The following COL25A1 variants were observed in gnomAD, a reference collection of about 807,000 sequenced individuals.
COL25A1 encodes collagen type XXV alpha 1 chain, also known as collagen alpha-1(XXV) chain.
A neutral mutation model predicts 128.4 loss-of-function variants in COL25A1; 103 were observed. The observed-to-expected ratio is 0.80, with a 90% confidence interval of 0.68 to 0.94. COL25A1 has a LOEUF of 0.94. Among genes scored for constraint, COL25A1 ranks in the 40% least tolerant of loss-of-function variants. The pLI is 0.00. For synonymous variants in COL25A1, 279 were observed against 277.2 expected, an observed-to-expected ratio of 1.01 and a Z score of -0.06; for missense variants, 745 against 840.0, an observed-to-expected ratio of 0.89 and a Z score of 1.40.
intron 3 of COL25A1, among the ~76,000 whole-genome samples, chr4:109,126,904 T>C (rs1351110428): frequency 6.6e-6 from 1 of 151,166 alleles, no homozygotes; most frequent in East Asian, 2.0e-4. Flanking sequence ...ACTTAAAGTA[T>C]AATAATAAAA....
chr4:108,864,767 A>G (rs892799808), intron 20 of COL25A1, among the ~76,000 whole-genome samples: 1 of 152,226 alleles, frequency 6.6e-6, no homozygotes, highest in African/African-American at 2.4e-5. Flanking sequence ...TGACTGTAGC[A>G]TGGATGAGTG....
chr4:108,919,472 T>A (rs1745246245), intron 12 of COL25A1, among the ~76,000 whole-genome samples: 1 of 152,204 alleles, frequency 6.6e-6, no homozygotes, highest in Non-Finnish European at 1.5e-5. Flanking sequence ...TGTAGGATTA[T>A]GTTTCAACAG....
chr4:109,107,358 T>C (rs2126032154), intron 3 of COL25A1, among the ~76,000 whole-genome samples: 1 of 152,290 alleles, frequency 6.6e-6, no homozygotes, highest in Non-Finnish European at 1.5e-5. Flanking sequence ...CAGATTTTAT[T>C]TTTCCTATTT....
intron 3 of COL25A1, among the ~76,000 whole-genome samples, chr4:109,188,270 A>C (rs1425432009): frequency 6.6e-6 from 1 of 152,030 alleles, no homozygotes; most frequent in East Asian, 1.9e-4. Context: ...TTCCTCACTA[A>C]CTCTCCTTCC....
intron 10 of COL25A1, 104 bp downstream of exon 10, chr4:108,940,435 T>C: frequency 1.1e-6 from 1 of 899,758 alleles, no homozygotes; most frequent in Non-Finnish European, 1.9e-6. Context: ...TCCACTCACT[T>C]GACCCCCTGA....
intron 3 of COL25A1, among the ~76,000 whole-genome samples, chr4:109,248,990 A>T (rs1780469256): frequency 6.6e-6 from 1 of 152,192 alleles, no homozygotes; most frequent in Non-Finnish European, 1.5e-5. Flanking sequence ...CATATACTTA[A>T]TGTAAATCCA....
chr4:109,146,729 A>T (rs1410630729), intron 3 of COL25A1, among the ~76,000 whole-genome samples: 1 of 152,244 alleles, frequency 6.6e-6, no homozygotes, highest in Non-Finnish European at 1.5e-5. Flanking sequence ...GTCCCCCAGC[A>T]GCAATTTCCC....
chr4:109,189,823 C>A (rs1305777106), intron 3 of COL25A1, among the ~76,000 whole-genome samples: 1 of 151,810 alleles, frequency 6.6e-6, no homozygotes, highest in Admixed American at 6.6e-5. Flanking sequence ...CCATTTTTGC[C>A]TCTTAAGCCA....
intron 8 of COL25A1, among the ~76,000 whole-genome samples, chr4:108,974,141 T>C (rs978751459): frequency 9.9e-5 from 15 of 152,204 alleles, no homozygotes; most frequent in Admixed American, 1.3e-4. Flanking sequence ...TCAATATGTC[T>C]AATTATTGTA....
chr4:108,937,467 C>G (rs1747559215), intron 11 of COL25A1, among the ~76,000 whole-genome samples: 1 of 151,936 alleles, frequency 6.6e-6, no homozygotes, highest in Non-Finnish European at 1.5e-5. Context: ...AGACCTGATC[C>G]CTTTGAAAAT....
chr4:109,118,237 AG>A (rs1767782284), intron 3 of COL25A1, among the ~76,000 whole-genome samples: 1 of 151,968 alleles, frequency 6.6e-6, no homozygotes, highest in Non-Finnish European at 1.5e-5. Flanking sequence ...TGTTGATCAA[AG>A]GGTACAATGT....
intron 3 of COL25A1, among the ~76,000 whole-genome samples, chr4:109,054,026 T>C (rs1035442148): frequency 6.6e-6 from 1 of 152,152 alleles, no homozygotes; most frequent in African/African-American, 2.4e-5. Context: ...ACACAGGTCA[T>C]TAGATAATAA....
chr4:108,991,044 CATTT>C (rs1754178938), intron 6 of COL25A1, among the ~76,000 whole-genome samples: 1 of 152,094 alleles, frequency 6.6e-6, no homozygotes, highest in Admixed American at 6.6e-5. Context: ...TAAATATGTA[CATTT>C]ATTTAACAGA....
intron 11 of COL25A1, among the ~76,000 whole-genome samples, chr4:108,933,797 T>C (rs1747058139): frequency 6.6e-6 from 1 of 151,924 alleles, no homozygotes; most frequent in African/African-American, 2.4e-5. Context: ...CATACACCAC[T>C]AAGTAGTTCT....
chr4:108,834,591 A>C (rs557847538), intron 31 of COL25A1, among the ~76,000 whole-genome samples: 12 of 152,130 alleles, frequency 7.9e-5, no homozygotes, highest in African/African-American at 2.9e-4. Flanking sequence ...AGATGATGGC[A>C]TTTTAATGAC....
rs996981819 is a variant in COL25A1, at chr4:108,864,101, G to A, written c.1084-714C>T. ...TATATCCTATTGGTTCTGTCTCTCT[G>A]GAGAAACTTGACTAATATGCAATTA... On this transcript the variant is annotated intron_variant, in intron 20 of 37. Transcript: ENST00000399132. 4.6e-5 allele frequency among the ~76,000 whole-genome samples: 7 copies of A among 152,036 alleles called. 1 individual carries two copies. The highest frequency in any genetic ancestry group is 3.3e-4 in the Admixed American group (5 of 15,270).
intron 5 of COL25A1, among the ~76,000 whole-genome samples, chr4:109,011,334 C>T (rs928318337): frequency 2.0e-5 from 3 of 152,198 alleles, no homozygotes; most frequent in Non-Finnish European, 2.9e-5. Context: ...CTTAGCCTCT[C>T]TCCAGGCTTG....
At chr4:108,910,282 C>T (rs757913425) in intron 13 of COL25A1, among the ~76,000 whole-genome samples, 3 of 152,014 alleles carry the variant, frequency 2.0e-5, no homozygotes, top group Non-Finnish European at 4.4e-5. Context: ...TTTATGTCCA[C>T]GTGGAAAAAT....
intron 2 of COL25A1, 85 bp from the exon 3 acceptor site, chr4:109,300,737 T>A (rs1725436324): frequency 4.5e-6 from 4 of 884,596 alleles, no homozygotes; most frequent in Non-Finnish European, 7.5e-6. Context: ...TACGCCTGAT[T>A]TACCGGCATT....
Sources: gnomAD v4.1 joint callset for allele counts (sites outside exome capture counted in the v4.1 genomes callset) on GRCh38, gnomAD v4.1.1 for gene constraint, MANE v1.5 for transcripts, NCBI Gene and HGNC (gene_info 2026-07-23, HGNC 2026-07-21) for gene names.